Variants in MINAR1 observed in about 807,000 individuals in gnomAD.
The protein encoded by MINAR1 is major intrinsically disordered Notch2-binding receptor 1.
Under a neutral mutation model 65.1 loss-of-function variants are expected in MINAR1, and 40 were observed. That is an observed-to-expected ratio of 0.61 (90% CI 0.48 to 0.80). The LOEUF (loss-of-function observed/expected upper bound fraction) is 0.80. MINAR1 is among the 30% of genes least tolerant of loss of function. The probability of loss-of-function intolerance (pLI) is 0.00; values close to 1 mark genes in which losing one functional copy is unlikely to be tolerated. For synonymous variants in MINAR1, 482 were observed against 449.1 expected, an observed-to-expected ratio of 1.07 and a Z score of -0.93; for missense variants, 1,128 against 1,148.0, an observed-to-expected ratio of 0.98 and a Z score of 0.25.
chr15:79,461,935 C>T (rs959458391), intron 2 of MINAR1, among the ~76,000 whole-genome samples: 33 of 152,230 alleles, frequency 2.2e-4, no homozygotes, highest in East Asian at 1.7e-3. Flanking sequence ...CACACATACA[C>T]GTGTGCCCAC....
At chr15:79,432,079 G>A (rs1001236026), upstream of MINAR1, among the ~76,000 whole-genome samples, 6 of 152,094 alleles carry the variant, frequency 3.9e-5, no homozygotes, top group African/African-American at 1.2e-4. Context: ...CCGCGTTCCC[G>A]GCCCGCGCTG....
At position 79,470,656 on chromosome 15, in the gene MINAR1, A is replaced by G. The variant is rs1896044894; in HGVS notation, c.*2272A>G. The G allele has an allele frequency of 6.6e-6, 1 of 152,210 alleles. No individual in the cohort carries two copies. The highest frequency in any genetic ancestry group is 1.5e-5 in the Non-Finnish European group (1 of 68,042). The allele number at this position is 152,210 out of a possible 1,614,324, so 9.4% of individuals were successfully genotyped here. On this transcript the variant is annotated 3_prime_UTR_variant, in exon 4 of 4. Transcript: ENST00000305428. The stretch of plus-strand genomic sequence containing the variant: ...GCTTGGAAATGAAAGGATTCTATAG[A>G]ATATTCTATACTTTCCATAGCTGGA...
chr15:79,468,385 G>A lies in MINAR1; in HGVS notation c.*1G>A, dbSNP rs774911044. On this transcript the variant is annotated 3_prime_UTR_variant, in exon 4 of 4. Coordinates refer to ENST00000305428, the MANE Select transcript of MINAR1 (RefSeq NM_015206.3). ...GCCCATCTGCACAATGAAATCATGA[G>A]CTAAGAATGCAACCTTACGTACAGC... The A allele has an allele frequency of 5.6e-6, 9 of 1,613,400 alleles. No individual in the cohort carries two copies. The East Asian group carries it at 2.0e-4, about 36-fold the overall frequency.
chr15:79,457,706 A>C lies in MINAR1; in HGVS notation c.1559A>C (p.Asp520Ala), dbSNP rs760526237. The change falls in exon 2 of 4, where the codon GAC (aspartate) becomes GCC (alanine). Residue 520 changes from aspartate (D) to alanine (A), a missense_variant. By Grantham distance (126) the Asp-to-Ala change is moderately radical (BLOSUM62 -2). Transcript: ENST00000305428. ...DSEIVSDDIS[D>A]IFRFLDDMSI... ...GAAATTGTCAGCGACGACATCAGTG[A>C]CATTTTCCGATTTCTTGATGACATG... is the stretch of plus-strand genomic sequence containing the variant. 1 of 1,614,082 alleles carries C rather than the reference A, an allele frequency of 6.2e-7. No individual in the cohort carries two copies.
chr15:79,448,736 GTA>G (rs746991035), intron 1 of MINAR1, among the ~76,000 whole-genome samples: 12 of 152,182 alleles, frequency 7.9e-5, no homozygotes, highest in Non-Finnish European at 1.5e-4. Context: ...CCAGTTCAAG[GTA>G]TATGTCATTC....
intron 1 of MINAR1, among the ~76,000 whole-genome samples, chr15:79,433,142 G>A (rs1040953901): frequency 2.0e-5 from 3 of 152,166 alleles, no homozygotes; most frequent in African/African-American, 7.2e-5. Flanking sequence ...GCTCACACGC[G>A]GTCCAACTCA....
Position 79,456,337 on chromosome 15 carries a change from C to G in MINAR1, c.190C>G (p.Leu64Val), listed in dbSNP as rs1313866585. ...TCTCGATCCCAATTTTCCAGCCACG[C>G]TATTCAAAGACAAGATGAAATGCAC... ...ACLDPNFPATLFKDKMKCTVN... is the reference protein window; with the variant it reads ...ACLDPNFPATVFKDKMKCTVN... Residue 64 changes from leucine (L) to valine (V), a missense_variant, in exon 2 of 4, where the codon CTA (leucine) becomes GTA (valine). Coordinates refer to ENST00000305428, the MANE Select transcript of MINAR1 (RefSeq NM_015206.3). 6 of 1,614,092 alleles carry G rather than the reference C, an allele frequency of 3.7e-6. No homozygotes were observed. The highest frequency in any genetic ancestry group is 5.1e-6 in the Non-Finnish European group (6 of 1,180,038).
chr15:79,461,875 TCACA>T (rs1446313038), intron 2 of MINAR1, among the ~76,000 whole-genome samples: 1 of 151,600 alleles, frequency 6.6e-6, no homozygotes, highest in Non-Finnish European at 1.5e-5. Flanking sequence ...ATCCACACAC[TCACA>T]CACACTCCAG....
chr15:79,463,747 C>A, intron 3 of MINAR1: 1 of 459,462 alleles, frequency 2.2e-6, no homozygotes, highest in Non-Finnish European at 4.4e-6. Context: ...TGTTTCCATA[C>A]GGAGCAGCCC....
rs1416249138 is a variant in MINAR1 at position 79,470,044 on chromosome 15, T to C, written c.*1660T>C. The C allele has an allele frequency of 6.6e-6, 1 of 152,654 alleles. No homozygotes were observed. The highest frequency in any genetic ancestry group is 2.4e-5 in the African/African-American group (1 of 41,470). 9.5% of individuals were successfully genotyped at this position (152,654 alleles called of 1,614,324 possible). A position where few individuals can be genotyped will look rare whatever the true frequency, so the allele number is the denominator to read the frequency against. On this transcript the variant is annotated 3_prime_UTR_variant, in exon 4 of 4. Coordinates refer to ENST00000305428, the MANE Select transcript of MINAR1 (RefSeq NM_015206.3). ...CAAGTGAGGGATGAATGTTTTCATC[T>C]GTGGTGAACCTTTATTTTTAGAAGT...
intron 1 of MINAR1, among the ~76,000 whole-genome samples, chr15:79,443,059 G>A (rs1031020990): frequency 1.3e-5 from 2 of 152,168 alleles, no homozygotes; most frequent in African/African-American, 2.4e-5. Flanking sequence ...GAGCAGATGA[G>A]ATGGACAGTG....
At chr15:79,432,585 A>AGTGTGTGTGTGTGTGTGTGTGTGTGT (rs3036997) in intron 1 of MINAR1, 45 bp downstream of exon 1, 1 of 150,648 alleles carries the variant, frequency 6.6e-6, no homozygotes, top group Admixed American at 6.6e-5. Flanking sequence ...GGAGCGCACG[A>AGTGTGTGTGTGTGTGTGTGTGTGTGT]GTGTGTGTGT....
Position 79,469,180 on chromosome 15 carries a change from T to C in MINAR1, c.*796T>C, listed in dbSNP as rs1384294918. 1 of 152,600 alleles carries C rather than the reference T, an allele frequency of 6.6e-6. No homozygotes were observed. Among genetic ancestry groups the C allele is most frequent in the Non-Finnish European group, 1.5e-5 (1 of 68,030 alleles). 9.5% of individuals were successfully genotyped at this position (152,600 alleles called of 1,614,324 possible). On this transcript the variant is annotated 3_prime_UTR_variant, in exon 4 of 4. Transcript: ENST00000305428. ...TGAAAATCATGGCCACTCCAAAGGA[T>C]CTCCTGTTCTTGCTTTGGTGTGTGG...
intron 1 of MINAR1, among the ~76,000 whole-genome samples, chr15:79,453,043 G>C (rs769957043): frequency 2.9e-5 from 4 of 140,178 alleles, no homozygotes; most frequent in Non-Finnish European, 6.4e-5. Context: ...ATTCCAGGCG[G>C]CTATTTCTGC....
rs1253596201 is a variant in MINAR1, at chr15:79,469,383, C to A, written c.*999C>A. On this transcript the variant is annotated 3_prime_UTR_variant, in exon 4 of 4. Transcript: ENST00000305428. The stretch of plus-strand genomic sequence containing the variant: ...CACTAATATCTGCCATTTTCAATGG[C>A]TTTAAAAAGATTTTGAAAGCTTGCT... The A allele has an allele frequency of 6.6e-6, 1 of 152,438 alleles. No individual in the cohort carries two copies. The highest frequency in any genetic ancestry group is 2.4e-5 in the African/African-American group (1 of 41,404). 9.4% of individuals were successfully genotyped at this position (152,438 alleles called of 1,614,324 possible). A position where few individuals can be genotyped will look rare whatever the true frequency, so the allele number is the denominator to read the frequency against.
At chr15:79,451,955 A>C (rs1489746747) in intron 1 of MINAR1, among the ~76,000 whole-genome samples, 1 of 152,178 alleles carries the variant, frequency 6.6e-6, no homozygotes. Context: ...GCTAAGAGAC[A>C]CTTAGGAGAG....
chr15:79,468,388 AAGAATGCAAC>A lies in MINAR1; in HGVS notation c.*5_*14del, dbSNP rs1369844074. 7 of 1,613,306 alleles carry A rather than the reference AAGAATGCAAC, an allele frequency of 4.3e-6. No individual in the cohort carries two copies. The highest frequency in any genetic ancestry group is 5.9e-6 in the Non-Finnish European group (7 of 1,179,682). ...CATCTGCACAATGAAATCATGAGCT[AAGAATGCAAC>A]CTTACGTACAGCTTATGACTACCAA... On this transcript the variant is annotated 3_prime_UTR_variant, in exon 4 of 4. Transcript: ENST00000305428.
chr15:79,445,777 A>C (rs1482661686), intron 1 of MINAR1, among the ~76,000 whole-genome samples: 1 of 151,994 alleles, frequency 6.6e-6, no homozygotes, highest in Non-Finnish European at 1.5e-5. Context: ...TGAACTACCA[A>C]CCTCAGGTGA....
chr15:79,463,569 TCGGCCA>T, intron 3 of MINAR1: 1 of 657,242 alleles, frequency 1.5e-6, no homozygotes, highest in Non-Finnish European at 2.8e-6. Context: ...GTATTTTTTA[TCGGCCA>T]TCTGATTTGC....
Sources: allele counts gnomAD v4.1 joint callset (sites outside exome capture counted in the v4.1 genomes callset), GRCh38; gene constraint gnomAD v4.1.1; transcripts MANE v1.5; gene names NCBI Gene and HGNC (gene_info 2026-07-23, HGNC 2026-07-21).